The following PRKG1 variants were observed in gnomAD, a reference collection of about 807,000 sequenced individuals.
PRKG1 encodes the protein cGMP-dependent protein kinase 1.
Under a neutral mutation model 88.1 loss-of-function variants are expected in PRKG1, and 35 were observed. That is an observed-to-expected ratio of 0.40 (90% CI 0.30 to 0.53). The LOEUF is 0.53. PRKG1 is among the 20% of genes least tolerant of loss of function. PRKG1 has a pLI of 0.59. For missense variants in PRKG1, 540 were observed against 839.8 expected (o/e 0.64, Z 4.41); for synonymous variants, 303 against 292.5 (o/e 1.04, Z -0.37).
intron 3 of PRKG1, among the ~76,000 whole-genome samples, chr10:51,577,773 T>C (rs1837925604): frequency 6.6e-6 from 1 of 152,062 alleles, no homozygotes; most frequent in South Asian, 2.1e-4. Flanking sequence ...ATTACCTATG[T>C]TTATTCTAGT....
At chr10:51,722,355 A>T (rs1842034804) in intron 3 of PRKG1, among the ~76,000 whole-genome samples, 1 of 152,094 alleles carries the variant, frequency 6.6e-6, no homozygotes, top group Non-Finnish European at 1.5e-5. Flanking sequence ...TTCTATTTGC[A>T]TGACAACATA....
intron 3 of PRKG1, among the ~76,000 whole-genome samples, chr10:51,589,002 A>G (rs1407279331): frequency 6.6e-6 from 1 of 152,176 alleles, no homozygotes; most frequent in East Asian, 1.9e-4. Flanking sequence ...AGGGTTATAC[A>G]TGTTAAGTGT....
At chr10:52,025,189 T>C (rs1589530299) in intron 5 of PRKG1, among the ~76,000 whole-genome samples, 1 of 152,214 alleles carries the variant, frequency 6.6e-6, no homozygotes, top group African/African-American at 2.4e-5. Context: ...TTTTTTCTTG[T>C]AAATTTGTTT....
intron 3 of PRKG1, among the ~76,000 whole-genome samples, chr10:51,593,665 G>C (rs1029207160): frequency 1.3e-5 from 2 of 151,990 alleles, no homozygotes; most frequent in Non-Finnish European, 2.9e-5. Context: ...ATTTAGGTTA[G>C]ACAAGGTAAA....
At chr10:51,443,065 G>C (rs1839168921) in intron 2 of PRKG1, among the ~76,000 whole-genome samples, 1 of 145,674 alleles carries the variant, frequency 6.9e-6, no homozygotes, top group African/African-American at 2.8e-5. Context: ...CCTCTTGAAG[G>C]GGACATTGTT....
chr10:51,649,855 G>A (rs895655110), intron 3 of PRKG1, among the ~76,000 whole-genome samples: 3 of 152,152 alleles, frequency 2.0e-5, no homozygotes, highest in African/African-American at 7.2e-5. Context: ...CAGTCTGATT[G>A]GTTGCAGAAA....
intron 5 of PRKG1, among the ~76,000 whole-genome samples, chr10:51,991,359 G>C (rs960323345): frequency 1.3e-5 from 2 of 151,926 alleles, no homozygotes; most frequent in Non-Finnish European, 1.5e-5. Flanking sequence ...AATGGTGAAA[G>C]TAGTCATCCT....
At chr10:51,080,386 C>T (rs1227959877) in intron 1 of PRKG1, among the ~76,000 whole-genome samples, 1 of 152,156 alleles carries the variant, frequency 6.6e-6, no homozygotes, top group African/African-American at 2.4e-5. Flanking sequence ...TAGAAGAACA[C>T]AGATGATGTT....
At chr10:52,288,616 T>A in intron 14 of PRKG1, 110 bp from the exon 15 acceptor site, 1 of 1,222,342 alleles carries the variant, frequency 8.2e-7, no homozygotes, top group South Asian at 1.8e-5. Context: ...TCACTATTAA[T>A]CTAAGCCCCC....
intron 2 of PRKG1, among the ~76,000 whole-genome samples, chr10:51,351,265 T>C (rs1842238216): frequency 6.6e-6 from 1 of 152,218 alleles, no homozygotes. Context: ...ATCCTTTGGG[T>C]ATTTACCCAG....
At chr10:51,504,492 T>A (rs947794079) in intron 3 of PRKG1, among the ~76,000 whole-genome samples, 1 of 152,180 alleles carries the variant, frequency 6.6e-6, no homozygotes, top group Non-Finnish European at 1.5e-5. Context: ...AAGTAGTTTT[T>A]TCCAATTCTG....
intron 3 of PRKG1, among the ~76,000 whole-genome samples, chr10:51,645,696 A>G (rs1459922438): frequency 6.6e-6 from 1 of 152,204 alleles, no homozygotes. Context: ...AAGAAAAACA[A>G]GTACTCATTA....
rs147157499 is a variant in PRKG1, at chr10:51,588,220, T to G, written c.592+120384T>G. On this transcript the variant is annotated intron_variant, in intron 3 of 17. Transcript: ENST00000373980. ...ATTGAGTATACAGTGCACATTTTTT[T>G]TTAGCATCATCACACTTTGGTTTTG... Among the ~76,000 whole-genome samples, 302 of 152,342 alleles carry G rather than the reference T, an allele frequency of 2.0e-3. 1 individual carries two copies. Among genetic ancestry groups the G allele is most frequent in the African/African-American group, 7.0e-3 (292 of 41,580 alleles).
At chr10:51,209,183 T>TG (rs1419683626) in intron 2 of PRKG1, among the ~76,000 whole-genome samples, 3 of 151,118 alleles carry the variant, frequency 2.0e-5, no homozygotes, top group African/African-American at 7.4e-5. Flanking sequence ...GGACAAAAGC[T>TG]GGTTTTTTTT....
chr10:52,033,497 C>T (rs900516687), intron 5 of PRKG1, among the ~76,000 whole-genome samples: 24 of 152,098 alleles, frequency 1.6e-4, no homozygotes, highest in Admixed American at 5.2e-4. Context: ...TTTTTATGGA[C>T]TATGTTTATA....
At position 51,341,585 on chromosome 10, in the gene PRKG1, G is replaced by A. The variant is rs547700497; in HGVS notation, c.479-126138G>A. ...ACAGTGTAAAGTGTGTCTCCAACTC[G>A]TTCCATATTGTTTTAGAGCCACTTG... On this transcript the variant is annotated intron_variant, in intron 2 of 17. Transcript: ENST00000373980. Among the ~76,000 whole-genome samples the A allele has an allele frequency of 2.4e-3, 364 of 152,166 alleles. 2 individuals carry two copies. Among genetic ancestry groups the A allele is most frequent in the African/African-American group, 6.8e-3 (284 of 41,520 alleles).
At position 51,034,668 on chromosome 10, in the gene PRKG1, T is replaced by TA. The variant is rs1554831109; in HGVS notation, c.266+43024_266+43025insA. On this transcript the variant is annotated intron_variant, in intron 1 of 17. Coordinates refer to the PRKG1 transcript ENST00000401604. ...AGCAAAATTATATATAATATGTTAT[T>TA]TATATATATATATATATATATATAT... Among the ~76,000 whole-genome samples, 195 of 68,180 alleles carry TA rather than the reference T, an allele frequency of 2.9e-3. 4 individuals are homozygous for TA. The highest frequency in any genetic ancestry group is 0.021 in the East Asian group (42 of 1,966). The allele number at this position is 68,180 out of a possible 152,430, so 44.7% of individuals were successfully genotyped here. A position where few individuals can be genotyped will look rare whatever the true frequency, so the allele number is the denominator to read the frequency against.
intron 5 of PRKG1, among the ~76,000 whole-genome samples, chr10:52,041,727 A>G (rs1044615941): frequency 1.1e-4 from 16 of 152,100 alleles, no homozygotes; most frequent in Non-Finnish European, 1.2e-4. Flanking sequence ...AGGAATTTAT[A>G]CATTTCTTCT....
At chr10:51,279,882 T>C (rs1412659814) in intron 2 of PRKG1, among the ~76,000 whole-genome samples, 1 of 152,232 alleles carries the variant, frequency 6.6e-6, no homozygotes, top group East Asian at 1.9e-4. Flanking sequence ...CATTTAAGTT[T>C]AATATTGTTA....
Sources: gnomAD v4.1 joint callset for allele counts (sites outside exome capture counted in the v4.1 genomes callset) on GRCh38, gnomAD v4.1.1 for gene constraint, MANE v1.5 for transcripts, NCBI Gene and HGNC (gene_info 2026-07-23, HGNC 2026-07-21) for gene names.